The following PCNX2 variants were observed in gnomAD, a reference collection of about 807,000 sequenced individuals.
PCNX2 encodes the protein pecanex-like protein 2.
PCNX2 carries 168 observed loss-of-function variants against 223.8 expected under a neutral mutation model. The ratio of observed to expected loss-of-function variants is 0.75; its 90% CI spans 0.66 to 0.85. PCNX2 has a LOEUF of 0.85. Among genes scored for constraint, PCNX2 ranks in the 40% least tolerant of loss-of-function variants. The pLI is 0.00. For missense variants in PCNX2, 2,507 were observed against 2,675.5 expected (o/e 0.94, Z 1.39); for synonymous variants, 1,006 against 1,052.6 (o/e 0.96, Z 0.86).
At chr1:233,054,747 T>C in intron 24 of PCNX2, 1 of 253,904 alleles carries the variant, frequency 3.9e-6, no homozygotes, top group East Asian at 7.8e-5. Flanking sequence ...CAAACAATCA[T>C]TGCTAGTATT....
At chr1:233,118,965 C>T (rs1257719438) in intron 21 of PCNX2, among the ~76,000 whole-genome samples, 1 of 152,110 alleles carries the variant, frequency 6.6e-6, no homozygotes, top group Admixed American at 6.5e-5. Flanking sequence ...TTCAGTACAA[C>T]TAAAGTAATC....
intron 17 of PCNX2, 106 bp downstream of exon 17, chr1:233,177,696 G>T: frequency 1.1e-6 from 1 of 949,274 alleles, no homozygotes. Context: ...GTATCTTTCT[G>T]TCCTAGTCCT....
intron 25 of PCNX2, among the ~76,000 whole-genome samples, chr1:233,048,411 T>C (rs1241933519): frequency 1.3e-5 from 2 of 152,164 alleles, no homozygotes; most frequent in African/African-American, 4.8e-5. Context: ...GAGCCAAGAT[T>C]GTGCCACTGC....
chr1:233,172,875 T>G (rs1363037572), intron 17 of PCNX2, among the ~76,000 whole-genome samples: 1 of 152,210 alleles, frequency 6.6e-6, no homozygotes, highest in Non-Finnish European at 1.5e-5. Context: ...GTGACTTTCC[T>G]CGTTTTCTTT....
rs568896274 is a variant in PCNX2, at chr1:233,170,461, A to G, written c.3273+7341T>C. On this transcript the variant is annotated intron_variant, in intron 17 of 33. Transcript: ENST00000258229. ...ATTTCCTCATTTGTGAAGTGTATGT[A>G]CAAGTCTTCTGCCTATTTTCAATGG... 1.4e-4 allele frequency among the ~76,000 whole-genome samples: 22 copies of G among 152,302 alleles called. No homozygotes were observed. The South Asian group carries it at 2.7e-3, about 19-fold the overall frequency.
intron 25 of PCNX2, chr1:233,032,053 A>G (rs2102844352): frequency 3.1e-6 from 3 of 978,246 alleles, no homozygotes; most frequent in Middle Eastern, 5.3e-4. Flanking sequence ...ATAATTTAGG[A>G]AGAAATTCTC....
rs368280634 is a variant in PCNX2, at chr1:233,055,536, AT to A, written c.4136-1054del. On this transcript the variant is annotated intron_variant, in intron 24 of 33. Coordinates refer to ENST00000258229, the MANE Select transcript of PCNX2 (RefSeq NM_014801.4). Reference sequence around the variant, plus strand: ...GATCTCTCAAGATGAGGGATATAAGATTTTTTAAAGAGAAGATTGGATAACA... The same window carrying A: ...GATCTCTCAAGATGAGGGATATAAGATTTTTAAAGAGAAGATTGGATAACA... Among the ~76,000 whole-genome samples, 4 of 152,156 alleles carry A rather than the reference AT, an allele frequency of 2.6e-5. No individual in the cohort carries two copies. The East Asian group carries it at 7.7e-4, about 29-fold the overall frequency.
intron 21 of PCNX2, among the ~76,000 whole-genome samples, chr1:233,124,124 T>G (rs1675964577): frequency 6.6e-6 from 1 of 152,224 alleles, no homozygotes; most frequent in Admixed American, 6.5e-5. Context: ...GTCTCATTAT[T>G]TCTTTATCAT....
chr1:233,325,721 A>G, the PCNX2 span, among the ~76,000 whole-genome samples: 1 of 152,130 alleles, frequency 6.6e-6, no homozygotes, highest in Non-Finnish European at 1.5e-5. Flanking sequence ...GAGGCAAAAA[A>G]AGTAGTTTCT....
chr1:233,073,842 A>G (rs1015913800), intron 23 of PCNX2, among the ~76,000 whole-genome samples: 1 of 152,216 alleles, frequency 6.6e-6, no homozygotes, highest in East Asian at 1.9e-4. Context: ...GTGGTATTAA[A>G]CTTTTGACCT....
chr1:233,037,468 C>A (rs74730468), intron 25 of PCNX2, among the ~76,000 whole-genome samples: 4,064 of 151,398 alleles, frequency 0.027, 78 homozygotes, highest in South Asian at 0.05. Context: ...GTAGCTGGGA[C>A]CTCAGGCAGG....
At chr1:233,213,214 A>G (rs1572088099) in intron 12 of PCNX2, among the ~76,000 whole-genome samples, 2 of 152,184 alleles carry the variant, frequency 1.3e-5, no homozygotes, top group Non-Finnish European at 2.9e-5. Flanking sequence ...TAAGTTTGCC[A>G]GAAACTGTTT....
At chr1:233,057,067 G>C (rs946659285) in intron 24 of PCNX2, among the ~76,000 whole-genome samples, 165 bp downstream of exon 24, 1 of 152,038 alleles carries the variant, frequency 6.6e-6, no homozygotes, top group Non-Finnish European at 1.5e-5. Flanking sequence ...AACCAAATCA[G>C]GTTGCTTGAT....
At chr1:233,169,418 G>A (rs556277756) in intron 17 of PCNX2, among the ~76,000 whole-genome samples, 6 of 151,812 alleles carry the variant, frequency 4.0e-5, no homozygotes, top group African/African-American at 9.7e-5. Context: ...AGGCCGAGAC[G>A]GGCGGATCAC....
intron 21 of PCNX2, among the ~76,000 whole-genome samples, chr1:233,118,485 C>A: frequency 1.0e-5 from 1 of 95,378 alleles, no homozygotes. Flanking sequence ...AATCTCAAGG[C>A]ACCTACAAAA....
intron 22 of PCNX2, among the ~76,000 whole-genome samples, chr1:233,091,165 C>T (rs1673851829): frequency 6.6e-6 from 1 of 152,168 alleles, no homozygotes; most frequent in Admixed American, 6.5e-5. Flanking sequence ...ATAATATCGA[C>T]ATCCTTCCTG....
intron 15 of PCNX2, among the ~76,000 whole-genome samples, chr1:233,182,215 G>T (rs1049018916): frequency 1.3e-5 from 2 of 152,174 alleles, no homozygotes; most frequent in African/African-American, 4.8e-5. Flanking sequence ...GACATGGGAG[G>T]GGTCAATGCA....
chr1:233,295,298 TC>T lies in PCNX2; in HGVS notation c.153+27del, dbSNP rs1258304114. ...TCCTTCTTCCCTCCATACCCACAGC[TC>T]CCCGGGACCGGACCCTCCCCACTCA... On this transcript the variant is annotated intron_variant, in intron 1 of 33. Coordinates refer to ENST00000258229, the MANE Select transcript of PCNX2 (RefSeq NM_014801.4). The surrounding 1 kb of genome is among the most constrained non-coding windows in gnomAD (Gnocchi z 4.1). 6.4e-7 allele frequency: 1 copy of T among 1,567,564 alleles called. No individual in the cohort carries two copies. The highest frequency in any genetic ancestry group is 8.7e-7 in the Non-Finnish European group (1 of 1,156,040).
rs1318945473 is a variant in PCNX2, at chr1:233,295,506, G to A, written c.-28C>T. 8 of 1,536,610 alleles carry A rather than the reference G, an allele frequency of 5.2e-6. No individual in the cohort carries two copies. The Admixed American group carries it at 1.6e-4, about 30-fold the overall frequency. On this transcript the variant is annotated 5_prime_UTR_variant, in exon 1 of 34. Transcript: ENST00000258229. This position sits in a 1 kb window ranked among gnomAD's most constrained non-coding sequence, Gnocchi z 4.1. ...CGGCTGCGCCCCGGGGCTGGTGAGC[G>A]CCCCGCTGCACCCTGCGCGCCCCGG...
Sources: gnomAD v4.1 joint callset for allele counts (sites outside exome capture counted in the v4.1 genomes callset) on GRCh38, gnomAD v4.1.1 for gene constraint, Gnocchi (gnomAD v3.1) non-coding constraint, MANE v1.5 for transcripts, NCBI Gene and HGNC (gene_info 2026-07-23, HGNC 2026-07-21) for gene names.